The following SYNE1 variants were observed in gnomAD, a reference collection of about 807,000 sequenced individuals.
The protein encoded by SYNE1 is nesprin-1.
In SYNE1, 616 loss-of-function variants were observed where a neutral mutation model predicts 1,111.0. The observed-to-expected ratio is 0.55, with a 90% CI of 0.52 to 0.59. The LOEUF is 0.59. SYNE1 is among the 20% of genes least tolerant of loss of function. The pLI is 0.00. For missense variants in SYNE1, 10,006 were observed against 10,417.0 expected (o/e 0.96, Z 1.72); for synonymous variants, 3,855 against 3,825.8 (o/e 1.01, Z -0.28).
chr6:152,481,876 A>G (rs907703641), intron 14 of SYNE1, among the ~76,000 whole-genome samples: 13 of 151,336 alleles, frequency 8.6e-5, no homozygotes, highest in Non-Finnish European at 1.9e-4. Flanking sequence ...CCCCGCTTTT[A>G]TTTGTGAGTA....
chr6:152,263,891 A>G (rs566838038), intron 100 of SYNE1, among the ~76,000 whole-genome samples: 29 of 152,244 alleles, frequency 1.9e-4, no homozygotes, highest in African/African-American at 6.7e-4. Context: ...CTATCTGGGA[A>G]ATAATGGCCA....
At chr6:152,279,410 A>G (rs2153714566) in intron 97 of SYNE1, among the ~76,000 whole-genome samples, 1 of 152,168 alleles carries the variant, frequency 6.6e-6, no homozygotes, top group African/African-American at 2.4e-5. Context: ...CCTATACAAA[A>G]TCAAAATTAA....
chr6:152,122,728 C>T lies in SYNE1; in HGVS notation c.26154-52G>A, dbSNP rs368409927. 116 of 1,610,392 alleles carry T rather than the reference C, an allele frequency of 7.2e-5. 1 individual carries two copies. The highest frequency in any genetic ancestry group is 5.2e-4 in the Middle Eastern group (3 of 5,798). ...TCAGATAACTCCAGTGTCGGAGGGACGCTGCTTTTTGCCTCTGCACCTTCC... is the reference window on the plus strand; with the variant it reads ...TCAGATAACTCCAGTGTCGGAGGGATGCTGCTTTTTGCCTCTGCACCTTCC... On this transcript the variant is annotated intron_variant, in intron 145 of 145. Coordinates refer to ENST00000367255, the MANE Select transcript of SYNE1 (RefSeq NM_182961.4).
At chr6:152,220,414 C>T (rs2079881128) in intron 119 of SYNE1, among the ~76,000 whole-genome samples, 1 of 152,168 alleles carries the variant, frequency 6.6e-6, no homozygotes, top group Non-Finnish European at 1.5e-5. Flanking sequence ...AGAAAGACTT[C>T]TTTCTACCAT....
At chr6:152,350,799 C>T in intron 70 of SYNE1, 29 bp from the exon 71 acceptor site, 3 of 1,613,868 alleles carry the variant, frequency 1.9e-6, no homozygotes, top group Non-Finnish European at 2.5e-6. Flanking sequence ...AAAAATGAGC[C>T]TGCTCATCTC....
intron 143 of SYNE1, among the ~76,000 whole-genome samples, chr6:152,132,894 T>C (rs1467626400): frequency 6.6e-6 from 1 of 151,060 alleles, no homozygotes; most frequent in East Asian, 1.9e-4. Context: ...TTTTTCTGTA[T>C]ACATAATGGA....
In SYNE1 at chr6:152,535,936, C is replaced by T. The variant is rs1594871010; in HGVS notation, c.129+4024G>A. On this transcript the variant is annotated intron_variant, in intron 4 of 145. Coordinates refer to ENST00000367255, the MANE Select transcript of SYNE1 (RefSeq NM_182961.4). ...TAACATAACTTCTTTGCCTAAAATG[C>T]AAGGCCTATGCTGTTAGGCCTAAGA... Among the ~76,000 whole-genome samples, 4 of 152,184 alleles carry T rather than the reference C, an allele frequency of 2.6e-5. No homozygotes were observed. The South Asian group carries it at 8.3e-4, about 32-fold the overall frequency.
At chr6:152,543,052 ACTT>A (rs200222972) in intron 3 of SYNE1, among the ~76,000 whole-genome samples, 3 of 152,084 alleles carry the variant, frequency 2.0e-5, no homozygotes, top group African/African-American at 7.2e-5. Context: ...ATGATATATT[ACTT>A]CTTAATATAA....
intron 3 of SYNE1, among the ~76,000 whole-genome samples, chr6:152,592,210 G>T (rs555670885): frequency 2.0e-5 from 3 of 151,546 alleles, no homozygotes; most frequent in Admixed American, 6.6e-5. Context: ...GCATATACTG[G>T]GTATATGCAA....
chr6:152,362,066 T>C, intron 64 of SYNE1, 104 bp downstream of exon 64: 5 of 1,495,526 alleles, frequency 3.3e-6, no homozygotes, highest in Non-Finnish European at 4.6e-6. Flanking sequence ...CGTAATTTGC[T>C]TATGTGCACT....
At chr6:152,473,077 T>A (rs2098815622) in intron 14 of SYNE1, among the ~76,000 whole-genome samples, 1 of 152,194 alleles carries the variant, frequency 6.6e-6, no homozygotes, top group Non-Finnish European at 1.5e-5. Flanking sequence ...TGAATCTTCT[T>A]TGATTTGTTT....
intron 5 of SYNE1, among the ~76,000 whole-genome samples, 170 bp from the exon 6 acceptor site, chr6:152,520,712 G>A (rs924618267): frequency 2.6e-5 from 4 of 152,094 alleles, no homozygotes; most frequent in Non-Finnish European, 4.4e-5. Context: ...GTTCCCCATG[G>A]CACTCTGAAG....
rs749920635 is a variant in SYNE1 at position 152,510,321 on chromosome 6, G to A, written c.453C>T (p.Ser151=). ...TAACTATGCTGTCCACGGAGGATGC[G>A]CTGCTGGACAAAGACTGGAGCTGGG... The part of the protein sequence containing the change: ...NLPQLQSLSS[S]ASSVDSIVSS... Residue 151 remains serine (S), a synonymous_variant, in exon 8 of 146, where the codon AGC becomes AGT. Coordinates refer to ENST00000367255, the MANE Select transcript of SYNE1 (RefSeq NM_182961.4). The A allele has an allele frequency of 7.4e-6, 12 of 1,613,972 alleles. No homozygotes were observed. The highest frequency in any genetic ancestry group is 1.7e-5 in the Admixed American group (1 of 59,994).
intron 48 of SYNE1, 33 bp from the exon 49 acceptor site, chr6:152,398,764 A>T: frequency 6.4e-7 from 1 of 1,557,084 alleles, no homozygotes; most frequent in East Asian, 2.3e-5. Flanking sequence ...AATAAAAATA[A>T]AAAATCAGAA....
At chr6:152,230,823 G>T in intron 114 of SYNE1, 121 bp from the exon 115 acceptor site, 1 of 1,157,454 alleles carries the variant, frequency 8.6e-7, no homozygotes, top group Non-Finnish European at 1.2e-6. Context: ...ACAGTTCATC[G>T]TATATATGAT....
intron 5 of SYNE1, among the ~76,000 whole-genome samples, chr6:152,523,245 G>A (rs138270925): frequency 3.0e-4 from 46 of 152,082 alleles, no homozygotes; most frequent in African/African-American, 1.1e-3. Context: ...GCGAGGGATA[G>A]GGGTCCAGTT....
intron 63 of SYNE1, among the ~76,000 whole-genome samples, chr6:152,363,161 G>A (rs985684183): frequency 2.7e-5 from 4 of 149,202 alleles, no homozygotes; most frequent in African/African-American, 9.8e-5. Context: ...GAATACAGGC[G>A]TGAGCCACCA....
chr6:152,194,974 G>A (rs1044577584), intron 127 of SYNE1, among the ~76,000 whole-genome samples: 1 of 151,986 alleles, frequency 6.6e-6, no homozygotes, highest in Non-Finnish European at 1.5e-5. Context: ...AGGCTGGAGT[G>A]CAGTGGTGCA....
intron 3 of SYNE1, among the ~76,000 whole-genome samples, chr6:152,564,746 G>T (rs2099406424): frequency 6.6e-6 from 1 of 152,118 alleles, no homozygotes. Context: ...AAAGAAATAT[G>T]AATTTCCTCA....
Sources: gnomAD v4.1 joint callset for allele counts (sites outside exome capture counted in the v4.1 genomes callset) on GRCh38, gnomAD v4.1.1 for gene constraint, MANE v1.5 for transcripts, NCBI Gene and HGNC (gene_info 2026-07-23, HGNC 2026-07-21) for gene names.